FARP1: variants seen among roughly 807,000 people sequenced by gnomAD.
FARP1 encodes the protein FERM, ARH/RhoGEF and pleckstrin domain protein 1.
Under a neutral mutation model 128.8 loss-of-function variants are expected in FARP1, and 52 were observed. The observed-to-expected ratio is 0.40, with a 90% CI of 0.32 to 0.51. The LOEUF is 0.51. Among genes scored for constraint, FARP1 ranks in the 20% least tolerant of loss-of-function variants. FARP1 has a pLI of 0.45. For missense variants in FARP1, 1,333 were observed against 1,367.9 expected (o/e 0.97, Z 0.40); for synonymous variants, 580 against 551.8 (o/e 1.05, Z -0.72).
intron 16 of FARP1, among the ~76,000 whole-genome samples, chr13:98,416,147 A>G (rs563482601): frequency 7.2e-5 from 11 of 152,372 alleles, no homozygotes; most frequent in African/African-American, 2.4e-4. Flanking sequence ...TTAACATCTT[A>G]TGTCACCATA....
Position 98,395,361 on chromosome 13 carries a change from C to G in FARP1, c.1299C>G (p.Ser433Arg). The G allele has an allele frequency of 6.2e-7, 1 of 1,611,858 alleles. No individual in the cohort carries two copies. The highest frequency in any genetic ancestry group is 8.5e-7 in the Non-Finnish European group (1 of 1,179,116). ...GSHPSPAPRR[S>R]PAGNKQADGA... ...ACCCGAGCCCTGCGCCGAGGAGAAGCCCCGCGGGTAACAAGCAGGCGGACG... is the reference window on the plus strand; with the variant it reads ...ACCCGAGCCCTGCGCCGAGGAGAAGGCCCGCGGGTAACAAGCAGGCGGACG... Residue 433 changes from serine (S) to arginine (R), a missense_variant, in exon 13 of 27, where the codon AGC becomes AGG. By Grantham distance (110) the Ser-to-Arg change is moderately radical. Transcript: ENST00000319562.
Position 98,450,544 on chromosome 13 carries a change from A to C in FARP1, c.*2227A>C, listed in dbSNP as rs1893137956. ...GGTGTCCACCTCATTGGCAGCAGCC[A>C]GCCAGGACACAGCTCAAAAACGCAG... On this transcript the variant is annotated 3_prime_UTR_variant, in exon 27 of 27. Transcript: ENST00000319562. 1 of 152,392 alleles carries C rather than the reference A, an allele frequency of 6.6e-6. No homozygotes were observed. The highest frequency in any genetic ancestry group is 1.5e-5 in the Non-Finnish European group (1 of 68,170). 9.4% of individuals were successfully genotyped at this position (152,392 alleles called of 1,614,324 possible).
chr13:98,425,685 CT>C (rs1416132850), intron 17 of FARP1, among the ~76,000 whole-genome samples: 1 of 152,156 alleles, frequency 6.6e-6, no homozygotes, highest in Non-Finnish European at 1.5e-5. Flanking sequence ...GCCATCACCC[CT>C]GGTCGCAAAT....
At chr13:98,269,278 A>G (rs1252703712) in intron 2 of FARP1, among the ~76,000 whole-genome samples, 2 of 152,108 alleles carry the variant, frequency 1.3e-5, no homozygotes, top group East Asian at 3.9e-4. Flanking sequence ...CTGCTTTTTG[A>G]TGCTCTTTCA....
intron 5 of FARP1, 129 bp downstream of exon 5, chr13:98,368,324 A>AGATGCTG: frequency 1.6e-6 from 1 of 642,260 alleles, no homozygotes; most frequent in African/African-American, 1.9e-5. Flanking sequence ...TGTACTGAAC[A>AGATGCTG]GTTTAACCTT....
chr13:98,260,872 A>C (rs9517237), intron 2 of FARP1, among the ~76,000 whole-genome samples: 22,179 of 152,210 alleles, frequency 0.15, 2,506 homozygotes, highest in African/African-American at 0.32. Context: ...AAAGGCCAGG[A>C]CACAATTCCA....
intron 2 of FARP1, chr13:98,245,248 A>T: frequency 7.1e-6 from 7 of 985,076 alleles, no homozygotes; most frequent in Non-Finnish European, 8.4e-6. Context: ...TATTCAAAGA[A>T]TGGATTGTTA....
chr13:98,442,337 G>A (rs1430984824), intron 24 of FARP1, among the ~76,000 whole-genome samples: 2 of 152,216 alleles, frequency 1.3e-5, no homozygotes, highest in African/African-American at 2.4e-5. Flanking sequence ...ATTTATTCTC[G>A]GGAAACGACC....
chr13:98,225,043 G>A (rs1881677381), intron 2 of FARP1, among the ~76,000 whole-genome samples: 1 of 152,120 alleles, frequency 6.6e-6, no homozygotes, highest in South Asian at 2.1e-4. Context: ...ATTTCTAGAC[G>A]GTCTTAGCAG....
chr13:98,382,880 C>T (rs1234156044), intron 6 of FARP1, among the ~76,000 whole-genome samples: 1 of 152,134 alleles, frequency 6.6e-6, no homozygotes, highest in Admixed American at 6.5e-5. Flanking sequence ...TCTTGTGTCC[C>T]CGCGTGCAGT....
At chr13:98,373,539 C>A (rs532197339) in intron 5 of FARP1, among the ~76,000 whole-genome samples, 7 of 129,652 alleles carry the variant, frequency 5.4e-5, no homozygotes, top group Non-Finnish European at 1.0e-4. Context: ...GACAGACACA[C>A]ACACACACAC....
intron 5 of FARP1, among the ~76,000 whole-genome samples, chr13:98,369,622 T>G (rs1386532448): frequency 6.6e-6 from 1 of 152,088 alleles, no homozygotes; most frequent in Non-Finnish European, 1.5e-5. Context: ...GGTGTTTGGT[T>G]TTTTGTCCTT....
At chr13:98,230,442 T>C (rs968817830) in intron 2 of FARP1, among the ~76,000 whole-genome samples, 1 of 152,206 alleles carries the variant, frequency 6.6e-6, no homozygotes, top group Non-Finnish European at 1.5e-5. Context: ...ATTTAGATTA[T>C]GTCTTTGCAG....
intron 2 of FARP1, among the ~76,000 whole-genome samples, chr13:98,268,460 T>C (rs1884232952): frequency 6.6e-6 from 1 of 152,148 alleles, no homozygotes; most frequent in Non-Finnish European, 1.5e-5. Context: ...CTAAAGATTC[T>C]GTTTCTCCCT....
At chr13:98,265,807 TC>T (rs1357248739) in intron 2 of FARP1, among the ~76,000 whole-genome samples, 3 of 152,164 alleles carry the variant, frequency 2.0e-5, no homozygotes, top group African/African-American at 7.2e-5. Context: ...AAGCTCTGGA[TC>T]CTGTGGCGTG....
At chr13:98,409,674 A>G in intron 14 of FARP1, 149 bp downstream of exon 14, 1 of 617,242 alleles carries the variant, frequency 1.6e-6, no homozygotes, top group Non-Finnish European at 2.5e-6. Flanking sequence ...AAGTACATTC[A>G]TGTTGTTGTG....
At chr13:98,370,584 G>A in intron 5 of FARP1, among the ~76,000 whole-genome samples, 2 of 146,686 alleles carry the variant, frequency 1.4e-5, no homozygotes, top group African/African-American at 5.1e-5. Context: ...CTGGGGGGGA[G>A]ATGGTGTTGG....
chr13:98,366,238 T>G (rs1315654223), intron 4 of FARP1, among the ~76,000 whole-genome samples: 1 of 152,308 alleles, frequency 6.6e-6, no homozygotes, highest in South Asian at 2.1e-4. Flanking sequence ...GAAACCCCAC[T>G]GGGCCACTTA....
At chr13:98,175,044 T>C (rs1877904991) in intron 1 of FARP1, among the ~76,000 whole-genome samples, 1 of 152,208 alleles carries the variant, frequency 6.6e-6, no homozygotes, top group African/African-American at 2.4e-5. Context: ...TCTGCCGCAG[T>C]TGCTTGCATA....
Sources: gnomAD v4.1 joint callset for allele counts (sites outside exome capture counted in the v4.1 genomes callset) on GRCh38, gnomAD v4.1.1 for gene constraint, MANE v1.5 for transcripts, NCBI Gene and HGNC (gene_info 2026-07-23, HGNC 2026-07-21) for gene names.